The following RAB3IL1 variants were observed in gnomAD, a reference collection of about 807,000 sequenced individuals.
RAB3IL1 encodes the protein guanine nucleotide exchange factor for Rab-3A.
A neutral mutation model predicts 49.2 loss-of-function variants in RAB3IL1; 37 were observed. That is an observed-to-expected ratio of 0.75 (90% CI 0.58 to 0.99). RAB3IL1 has a LOEUF of 0.99. Among genes scored for constraint, RAB3IL1 ranks in the 50% least tolerant of loss-of-function variants. The probability of loss-of-function intolerance (pLI) is 0.00; values close to 1 mark genes in which losing one functional copy is unlikely to be tolerated. For missense variants in RAB3IL1, 484 were observed against 513.0 expected (o/e 0.94, Z 0.55); for synonymous variants, 193 against 213.9 (o/e 0.90, Z 0.85).
intron 4 of RAB3IL1, 96 bp downstream of exon 4, chr11:61,907,297 G>T: frequency 2.2e-6 from 3 of 1,334,548 alleles, no homozygotes; most frequent in Non-Finnish European, 3.2e-6. Context: ...ACCGGGCCAG[G>T]TGAGCGTCCA....
chr11:61,946,075 C>A, the RAB3IL1 span, among the ~76,000 whole-genome samples: 2 of 152,190 alleles, frequency 1.3e-5, no homozygotes, highest in South Asian at 4.1e-4. Context: ...CTTCCGGGCC[C>A]TGGACTGGCA....
At chr11:61,925,212 A>G (rs375724313), upstream of RAB3IL1, among the ~76,000 whole-genome samples, 148 of 152,320 alleles carry the variant, frequency 9.7e-4, 1 homozygote, top group Non-Finnish European at 8.1e-4. Flanking sequence ...AGGAACTCAG[A>G]TTTTAACCCA....
intron 1 of RAB3IL1, 43 bp downstream of exon 1, chr11:61,917,314 C>A: frequency 7.4e-7 from 1 of 1,344,400 alleles, no homozygotes; most frequent in Non-Finnish European, 9.6e-7. Flanking sequence ...GAGGCGACCG[C>A]GGCCCAGACC....
At chr11:61,904,429 G>A (rs1370845116) in intron 7 of RAB3IL1, 117 bp downstream of exon 7, 3 of 1,041,758 alleles carry the variant, frequency 2.9e-6, no homozygotes, top group South Asian at 2.7e-5. Context: ...TGTGGGGGCA[G>A]CAACTGTCCC....
the RAB3IL1 span, among the ~76,000 whole-genome samples, chr11:61,929,739 C>A: frequency 0.36 from 53,595 of 150,896 alleles, 11,977 homozygotes; most frequent in Middle Eastern, 0.58. Flanking sequence ...GTGTGCACCA[C>A]CACACCCAGC....
chr11:61,898,221 G>A lies in RAB3IL1; in HGVS notation c.*57C>T. ...CCCCCGTCTCCCTGTGTGTCGGCTTGTTCTGGGGTGGGTGTTTGCTCTGTC... is the reference window on the plus strand; with the variant it reads ...CCCCCGTCTCCCTGTGTGTCGGCTTATTCTGGGGTGGGTGTTTGCTCTGTC... On this transcript the variant is annotated 3_prime_UTR_variant, in exon 10 of 10. Transcript: ENST00000394836. The surrounding 1 kb of genome is among the most constrained non-coding windows in gnomAD (Gnocchi z 5.1). 1 of 1,527,942 alleles carries A rather than the reference G, an allele frequency of 6.5e-7. No homozygotes were observed. Among genetic ancestry groups the A allele is most frequent in the Non-Finnish European group, 9.0e-7 (1 of 1,111,510 alleles). The allele number at this position is 1,527,942 out of a possible 1,614,324, so 94.6% of individuals were successfully genotyped here. A position where few individuals can be genotyped will look rare whatever the true frequency, so the allele number is the denominator to read the frequency against.
chr11:61,908,847 T>A (rs1257845413), intron 1 of RAB3IL1, among the ~76,000 whole-genome samples: 1 of 152,062 alleles, frequency 6.6e-6, no homozygotes, highest in African/African-American at 2.4e-5. Context: ...GGCAGGAAGA[T>A]TCTGCAAACA....
rs780299515 is a variant in RAB3IL1 at position 61,906,587 on chromosome 11, C to T, written c.536G>A (p.Ser179Asn). 1.1e-5 allele frequency: 17 copies of T among 1,608,440 alleles called. No homozygotes were observed. In the East Asian group the frequency reaches 3.8e-4, roughly 36 times the overall value. Reference sequence around the variant, plus strand: ...CTTTCGGGGCCCGGCCTTGGTGGGGCTCAGCAGCTGGGGGTGAAGCTCGCG... The same window carrying T: ...CTTTCGGGGCCCGGCCTTGGTGGGGTTCAGCAGCTGGGGGTGAAGCTCGCG... ...PNRELHPQLL[S>N]PTKAGPRKGH... The change falls in exon 5 of 10, where the codon AGC (serine) becomes AAC (asparagine). Residue 179 changes from serine to asparagine, a missense_variant. Coordinates refer to ENST00000394836, the MANE Select transcript of RAB3IL1 (RefSeq NM_013401.4). This position sits in a 1 kb window ranked among gnomAD's most constrained non-coding sequence, Gnocchi z 4.6.
the RAB3IL1 span, among the ~76,000 whole-genome samples, chr11:61,945,589 A>T: frequency 6.6e-6 from 1 of 152,208 alleles, no homozygotes; most frequent in Non-Finnish European, 1.5e-5. Context: ...CAACATGCCC[A>T]TTTGAGCTGA....
chr11:61,913,665 C>T lies in RAB3IL1; in HGVS notation c.11+3692G>A, dbSNP rs117052732. ...AGTACATCCTCAAATGCGCCTGTGGCGACCCTGCCCATTCAGTCCAAGAAT... is the reference window on the plus strand; with the variant it reads ...AGTACATCCTCAAATGCGCCTGTGGTGACCCTGCCCATTCAGTCCAAGAAT... On this transcript the variant is annotated intron_variant, in intron 1 of 9. Transcript: ENST00000394836. 1.9e-3 allele frequency among the ~76,000 whole-genome samples: 284 copies of T among 152,284 alleles called. 2 individuals carry two copies. In the East Asian group the frequency reaches 0.021, roughly 11 times the overall value.
intron 1 of RAB3IL1, among the ~76,000 whole-genome samples, chr11:61,912,946 G>A (rs897480595): frequency 6.6e-6 from 1 of 152,106 alleles, no homozygotes; most frequent in African/African-American, 2.4e-5. Context: ...CAATAATTAA[G>A]ATAATTCAAA....
the RAB3IL1 span, among the ~76,000 whole-genome samples, chr11:61,930,461 C>T: frequency 5.0e-4 from 76 of 152,278 alleles, no homozygotes; most frequent in Non-Finnish European, 8.7e-4. Context: ...ACACCAAAAG[C>T]AAGGTGGTAT....
At chr11:61,932,577 C>G in the RAB3IL1 span, among the ~76,000 whole-genome samples, 1 of 151,992 alleles carries the variant, frequency 6.6e-6, no homozygotes, top group Non-Finnish European at 1.5e-5. Flanking sequence ...AAAACAAGGC[C>G]CTGCCCTATG....
chr11:61,909,510 C>G (rs543594212), intron 1 of RAB3IL1, among the ~76,000 whole-genome samples: 1 of 152,344 alleles, frequency 6.6e-6, no homozygotes, highest in South Asian at 2.1e-4. Flanking sequence ...AGCTGCCCAG[C>G]CCCACCTGCC....
chr11:61,939,691 C>T, the RAB3IL1 span, among the ~76,000 whole-genome samples: 2 of 151,618 alleles, frequency 1.3e-5, no homozygotes, highest in African/African-American at 2.4e-5. Context: ...TGGCTCACGC[C>T]TGTAATCTGA....
At chr11:61,929,357 T>G in the RAB3IL1 span, among the ~76,000 whole-genome samples, 2 of 151,812 alleles carry the variant, frequency 1.3e-5, no homozygotes, top group African/African-American at 4.8e-5. Context: ...ACACAAAAAT[T>G]AGCTGGGTGT....
intron 3 of RAB3IL1, 41 bp downstream of exon 3, chr11:61,907,524 T>A (rs1939254117): frequency 6.2e-7 from 1 of 1,613,708 alleles, no homozygotes; most frequent in Non-Finnish European, 8.5e-7. Context: ...GACGCCCAGA[T>A]GACCCATTCC....
At chr11:61,900,713 G>A (rs1283218567) in intron 8 of RAB3IL1, among the ~76,000 whole-genome samples, 1 of 152,168 alleles carries the variant, frequency 6.6e-6, no homozygotes, top group Non-Finnish European at 1.5e-5. Context: ...ACATGTCTTG[G>A]TCTTTCAGGG....
At chr11:61,934,341 CACACACACACAT>C in the RAB3IL1 span, among the ~76,000 whole-genome samples, 17,214 of 144,946 alleles carry the variant, frequency 0.12, 1,386 homozygotes, top group Admixed American at 0.17. Flanking sequence ...CACACACACA[CACACACACACAT>C]ATGTATATAT....
Sources: gnomAD v4.1 joint callset for allele counts (sites outside exome capture counted in the v4.1 genomes callset) on GRCh38, gnomAD v4.1.1 for gene constraint, Gnocchi (gnomAD v3.1) non-coding constraint, MANE v1.5 for transcripts, NCBI Gene and HGNC (gene_info 2026-07-23, HGNC 2026-07-21) for gene names.